SRPK2: variants seen among roughly 807,000 people sequenced by gnomAD.
SRPK2 encodes the protein SRSF protein kinase 2.
In SRPK2, 21 loss-of-function variants were observed where a neutral mutation model predicts 90.8. The observed-to-expected ratio is 0.23, with a 90% CI of 0.16 to 0.33. The LOEUF (loss-of-function observed/expected upper bound fraction) is 0.33. Among genes scored for constraint, SRPK2 ranks in the 10% least tolerant of loss-of-function variants. The probability of loss-of-function intolerance (pLI) is 1.00; values close to 1 mark genes in which losing one functional copy is unlikely to be tolerated. For missense variants in SRPK2, 620 were observed against 869.0 expected, an observed-to-expected ratio of 0.71 and a Z score of 3.60; for synonymous variants, 288 against 311.1, an observed-to-expected ratio of 0.93 and a Z score of 0.78.
Position 105,388,775 on chromosome 7 carries a change from G to A in SRPK2, c.16+16C>T. ...TGGCCGCGTGGCGGGGAGAGGGCGCGCCGCGGGCCACTCACCTTTCCGGGA... is the reference window on the plus strand; with the variant it reads ...TGGCCGCGTGGCGGGGAGAGGGCGCACCGCGGGCCACTCACCTTTCCGGGA... On this transcript the variant is annotated intron_variant, in intron 1 of 15. Transcript: ENST00000393651. 3 of 1,511,950 alleles carry A rather than the reference G, an allele frequency of 2.0e-6. No homozygotes were observed. The highest frequency in any genetic ancestry group is 2.7e-5 in the East Asian group (1 of 37,060). The allele number at this position is 1,511,950 out of a possible 1,614,324, so 93.7% of individuals were successfully genotyped here. A position where few individuals can be genotyped will look rare whatever the true frequency, so the allele number is the denominator to read the frequency against.
At position 105,117,579 on chromosome 7, in the gene SRPK2, A is replaced by C. The variant is rs548546854; in HGVS notation, c.*259T>G. 12 of 469,870 alleles carry C rather than the reference A, an allele frequency of 2.6e-5. No individual in the cohort carries two copies. Among genetic ancestry groups the C allele is most frequent in the African/African-American group, 2.4e-4 (12 of 49,782 alleles). The allele number at this position is 469,870 out of a possible 1,614,324, so 29.1% of individuals were successfully genotyped here. ...TGACATTTGAATGTCACACAACACA[A>C]GAAACAATGCTTAGAGACATGTTAT... On this transcript the variant is annotated 3_prime_UTR_variant, in exon 16 of 16. Coordinates refer to ENST00000393651, the MANE Select transcript of SRPK2 (RefSeq NM_182692.3).
chr7:105,318,531 T>C (rs1423478435), intron 2 of SRPK2, among the ~76,000 whole-genome samples: 3 of 152,226 alleles, frequency 2.0e-5, no homozygotes, highest in African/African-American at 7.2e-5. Context: ...TTAGAGTCTG[T>C]CCTAAGAGCA....
chr7:105,360,040 T>G (rs1818253221), intron 2 of SRPK2, among the ~76,000 whole-genome samples: 1 of 152,194 alleles, frequency 6.6e-6, no homozygotes. Flanking sequence ...TCTAAGGACT[T>G]GCTTTATGAA....
At chr7:105,393,548 A>G (rs1053036473), upstream of SRPK2, among the ~76,000 whole-genome samples, 15 of 115,486 alleles carry the variant, frequency 1.3e-4, no homozygotes, top group African/African-American at 5.1e-4. Context: ...TGTTTTTGGT[A>G]TCAATATTGA....
intron 2 of SRPK2, among the ~76,000 whole-genome samples, chr7:105,375,983 CTTTTTTTTTTTTTTTTT>C (rs34445430): frequency 2.1e-4 from 13 of 63,176 alleles, no homozygotes; most frequent in South Asian, 1.4e-3. Flanking sequence ...GAATTCATTT[CTTTTTTTTTTTTTTTTT>C]TTTTTTTTTT....
At chr7:105,129,717 G>A (rs772613123) in intron 13 of SRPK2, among the ~76,000 whole-genome samples, 16 of 152,016 alleles carry the variant, frequency 1.1e-4, no homozygotes, top group Non-Finnish European at 1.8e-4. Context: ...TGGGAACTCC[G>A]GATTCTTCTC....
Position 105,147,613 on chromosome 7 carries a change from G to A in SRPK2, c.622-955C>T, listed in dbSNP as rs544723937. Among the ~76,000 whole-genome samples, 9 of 152,126 alleles carry A rather than the reference G, an allele frequency of 5.9e-5. No homozygotes were observed. The South Asian group carries it at 6.2e-4, about 11-fold the overall frequency. ...ATTACAGGCGTGAGCCACCACACAC[G>A]GCAACTACCACCACTATTTAAATGA... On this transcript the variant is annotated intron_variant, in intron 7 of 15. Transcript: ENST00000393651.
chr7:105,125,925 A>G, intron 15 of SRPK2: 2 of 979,450 alleles, frequency 2.0e-6, no homozygotes, highest in Non-Finnish European at 2.9e-6. Context: ...CAGTTTAATC[A>G]GTACACTGCA....
At chr7:105,149,087 A>C (rs949743305) in intron 7 of SRPK2, among the ~76,000 whole-genome samples, 6 of 152,126 alleles carry the variant, frequency 3.9e-5, no homozygotes, top group Non-Finnish European at 7.4e-5. Flanking sequence ...AACACCCATA[A>C]AGGGTCTGTG....
intron 7 of SRPK2, among the ~76,000 whole-genome samples, chr7:105,155,642 T>C (rs1348320157): frequency 6.6e-6 from 1 of 152,060 alleles, no homozygotes; most frequent in Non-Finnish European, 1.5e-5. Context: ...CTACACGTAG[T>C]TATGGGACCA....
chr7:105,294,715 A>G lies in SRPK2; in HGVS notation c.72-90930T>C, dbSNP rs569372994. On this transcript the variant is annotated intron_variant, in intron 2 of 15. Coordinates refer to ENST00000393651, the MANE Select transcript of SRPK2 (RefSeq NM_182692.3). Reference sequence around the variant, plus strand: ...TAATTTTTCTATTTTTAGTAGAGACAGGATTTCATCATGTTGGCCAGACTG... The same window carrying G: ...TAATTTTTCTATTTTTAGTAGAGACGGGATTTCATCATGTTGGCCAGACTG... Among the ~76,000 whole-genome samples, 423 of 152,072 alleles carry G rather than the reference A, an allele frequency of 2.8e-3. 11 individuals are homozygous for G. In the East Asian group the frequency reaches 0.055, roughly 20 times the overall value.
At chr7:105,266,951 G>C (rs1179122609) in intron 2 of SRPK2, among the ~76,000 whole-genome samples, 1 of 152,134 alleles carries the variant, frequency 6.6e-6, no homozygotes, top group African/African-American at 2.4e-5. Flanking sequence ...TTCTATGTTT[G>C]CAAAGTGTTG....
chr7:105,333,645 C>G (rs1237832724), intron 2 of SRPK2, among the ~76,000 whole-genome samples: 2 of 152,108 alleles, frequency 1.3e-5, no homozygotes, highest in Non-Finnish European at 2.9e-5. Context: ...CTGCTCCCTG[C>G]TAGTTCATTT....
intron 1 of SRPK2, among the ~76,000 whole-genome samples, chr7:105,396,080 T>C (rs937778782): frequency 3.9e-5 from 6 of 151,946 alleles, no homozygotes; most frequent in Non-Finnish European, 5.9e-5. Context: ...CACACCTGGC[T>C]AATTTTGTAT....
intron 7 of SRPK2, among the ~76,000 whole-genome samples, chr7:105,159,300 A>G (rs921910252): frequency 2.0e-5 from 3 of 151,930 alleles, no homozygotes; most frequent in Admixed American, 6.6e-5. Flanking sequence ...ACCCTGGGCA[A>G]CACGGTGAAA....
At chr7:105,170,494 A>C (rs1464954406) in intron 3 of SRPK2, among the ~76,000 whole-genome samples, 1 of 151,828 alleles carries the variant, frequency 6.6e-6, no homozygotes, top group Non-Finnish European at 1.5e-5. Flanking sequence ...GGAGTTCAAG[A>C]CCAGCCTGGC....
intron 7 of SRPK2, among the ~76,000 whole-genome samples, chr7:105,147,373 A>T (rs1255064891): frequency 1.3e-5 from 2 of 152,160 alleles, no homozygotes; most frequent in African/African-American, 2.4e-5. Context: ...GCTGGAGTGC[A>T]GTGGCACAAT....
intron 3 of SRPK2, among the ~76,000 whole-genome samples, chr7:105,170,790 A>ACGGAC (rs1554435316): frequency 1.4e-5 from 1 of 70,378 alleles, no homozygotes; most frequent in South Asian, 6.5e-4. Context: ...GACGGGAGGG[A>ACGGAC]GGGAGGGAGG....
chr7:105,351,249 C>T (rs568433159), intron 2 of SRPK2, among the ~76,000 whole-genome samples: 1 of 152,154 alleles, frequency 6.6e-6, no homozygotes, highest in East Asian at 1.9e-4. Context: ...CTGCAGAGTC[C>T]CCACCAGCAA....
Sources: allele counts gnomAD v4.1 joint callset (sites outside exome capture counted in the v4.1 genomes callset), GRCh38; gene constraint gnomAD v4.1.1; transcripts MANE v1.5; gene names NCBI Gene and HGNC (gene_info 2026-07-23, HGNC 2026-07-21).